The following CACNA2D3 variants were observed in gnomAD, a reference collection of about 807,000 sequenced individuals.
CACNA2D3 encodes the protein calcium voltage-gated channel auxiliary subunit alpha2delta 3, also known as voltage-dependent calcium channel subunit alpha-2/delta-3.
CACNA2D3 carries 60 observed loss-of-function variants against 160.6 expected under a neutral mutation model. That is an observed-to-expected ratio of 0.37 (90% CI 0.30 to 0.46). CACNA2D3 has a LOEUF of 0.46. Ranked by LOEUF, CACNA2D3 falls within the 20% of genes least tolerant of loss-of-function variation. The pLI is 1.00. For synonymous variants in CACNA2D3, 558 were observed against 492.9 expected, an observed-to-expected ratio of 1.13 and a Z score of -1.75; for missense variants, 1,205 against 1,365.0, an observed-to-expected ratio of 0.88 and a Z score of 1.85.
intron 11 of CACNA2D3, among the ~76,000 whole-genome samples, chr3:54,734,207 G>A (rs11718583): frequency 0.83 from 126,551 of 152,080 alleles, 53,804 homozygotes; most frequent in Non-Finnish European, 0.92. Context: ...TTTGCCATAG[G>A]CTGATACCTA....
chr3:54,863,461 G>C (rs1252051836), intron 17 of CACNA2D3, among the ~76,000 whole-genome samples: 1 of 152,094 alleles, frequency 6.6e-6, no homozygotes. Context: ...GGCACGAAAG[G>C]TTCCTCCCAG....
chr3:55,030,232 C>G (rs949012141), intron 35 of CACNA2D3, among the ~76,000 whole-genome samples: 1 of 152,144 alleles, frequency 6.6e-6, no homozygotes, highest in South Asian at 2.1e-4. Context: ...CCCTGTATTG[C>G]CTCCTCTTCT....
intron 3 of CACNA2D3, among the ~76,000 whole-genome samples, chr3:54,355,581 G>A (rs1222762784): frequency 1.3e-5 from 2 of 152,036 alleles, no homozygotes; most frequent in East Asian, 1.9e-4. Flanking sequence ...GGGAAGGAGA[G>A]AAACAAATGA....
intron 9 of CACNA2D3, among the ~76,000 whole-genome samples, chr3:54,617,611 T>C (rs1210555267): frequency 1.3e-5 from 2 of 152,234 alleles, no homozygotes; most frequent in Non-Finnish European, 2.9e-5. Context: ...CACTCAATTT[T>C]AAATATCAGA....
intron 13 of CACNA2D3, among the ~76,000 whole-genome samples, chr3:54,781,238 G>A (rs1435614725): frequency 1.3e-5 from 2 of 152,224 alleles, no homozygotes; most frequent in Admixed American, 1.3e-4. Flanking sequence ...CATTCACAGA[G>A]GCCCTTTGCT....
At chr3:54,441,369 G>A (rs1258744398) in intron 4 of CACNA2D3, among the ~76,000 whole-genome samples, 1 of 152,110 alleles carries the variant, frequency 6.6e-6, no homozygotes, top group Non-Finnish European at 1.5e-5. Flanking sequence ...GGAGTTCATT[G>A]TAGATTCTGG....
intron 35 of CACNA2D3, among the ~76,000 whole-genome samples, chr3:55,060,060 C>T (rs1038964274): frequency 1.3e-5 from 2 of 152,004 alleles, no homozygotes; most frequent in African/African-American, 2.4e-5. Context: ...CCATTTAGAG[C>T]CACCAGTTTC....
chr3:54,752,815 G>C, intron 12 of CACNA2D3, 138 bp downstream of exon 12: 1 of 506,700 alleles, frequency 2.0e-6, no homozygotes, highest in Non-Finnish European at 3.6e-6. Flanking sequence ...TGATAGACTT[G>C]TAACGGTTTC....
chr3:54,648,395 G>T (rs1390922887), intron 11 of CACNA2D3, among the ~76,000 whole-genome samples: 1 of 152,194 alleles, frequency 6.6e-6, no homozygotes, highest in African/African-American at 2.4e-5. Context: ...ACAAAGACCA[G>T]ATGGCCCGTG....
intron 6 of CACNA2D3, among the ~76,000 whole-genome samples, chr3:54,563,455 C>T (rs918909495): frequency 6.6e-6 from 1 of 152,206 alleles, no homozygotes; most frequent in African/African-American, 2.4e-5. Context: ...ACAGAGGGTG[C>T]TCCCAGCACC....
At chr3:54,990,950 T>A (rs1702725262) in intron 31 of CACNA2D3, among the ~76,000 whole-genome samples, 3 of 152,198 alleles carry the variant, frequency 2.0e-5, no homozygotes, top group Admixed American at 2.0e-4. Context: ...GGCACTTTAG[T>A]TGACTCTTTG....
intron 2 of CACNA2D3, among the ~76,000 whole-genome samples, chr3:54,239,145 G>A (rs1430612728): frequency 6.6e-6 from 1 of 152,196 alleles, no homozygotes; most frequent in Non-Finnish European, 1.5e-5. Flanking sequence ...TAATTATTGA[G>A]TCAACTAAGT....
intron 8 of CACNA2D3, among the ~76,000 whole-genome samples, chr3:54,578,288 A>T (rs1187279146): frequency 6.6e-6 from 1 of 152,196 alleles, no homozygotes. Context: ...GATCAAGGAG[A>T]GCCATTTATA....
chr3:54,722,548 T>A (rs940609039), intron 11 of CACNA2D3, among the ~76,000 whole-genome samples: 3 of 152,222 alleles, frequency 2.0e-5, no homozygotes, highest in Non-Finnish European at 4.4e-5. Context: ...TTTGTGGAGT[T>A]ATCTACCTTT....
chr3:54,925,122 A>G lies in CACNA2D3; in HGVS notation c.2449+25254A>G, dbSNP rs745754884. 5 of 1,614,036 alleles carry G rather than the reference A, an allele frequency of 3.1e-6. No homozygotes were observed. The African/African-American group carries it at 5.3e-5, about 17-fold the overall frequency. Reference sequence around the variant, plus strand: ...GGCCAGACCCTGCTGGCTGCAGTCTACAAAATTTGTAGATGACTGACAGTA... The same window carrying G: ...GGCCAGACCCTGCTGGCTGCAGTCTGCAAAATTTGTAGATGACTGACAGTA... On this transcript the variant is annotated intron_variant, in intron 27 of 37. Transcript: ENST00000474759.
intron 27 of CACNA2D3, among the ~76,000 whole-genome samples, chr3:54,963,009 A>G (rs1255122253): frequency 6.6e-6 from 1 of 152,220 alleles, no homozygotes; most frequent in East Asian, 1.9e-4. Context: ...ACTTGAATGC[A>G]TGTCTATTAA....
chr3:54,341,384 C>A (rs1182446803), intron 3 of CACNA2D3, among the ~76,000 whole-genome samples: 1 of 152,162 alleles, frequency 6.6e-6, no homozygotes, highest in Non-Finnish European at 1.5e-5. Flanking sequence ...CCATCACCTC[C>A]CAGCTAGGTA....
At chr3:54,294,782 G>A (rs1424009331) in intron 2 of CACNA2D3, among the ~76,000 whole-genome samples, 1 of 152,194 alleles carries the variant, frequency 6.6e-6, no homozygotes, top group African/African-American at 2.4e-5. Context: ...TGCCTGGACT[G>A]CAGAGGAAGG....
chr3:55,009,584 C>T, intron 34 of CACNA2D3, 141 bp downstream of exon 34: 1 of 768,022 alleles, frequency 1.3e-6, no homozygotes, highest in Middle Eastern at 3.2e-4. Flanking sequence ...AGCAAAAAGC[C>T]AGCCTTTGTG....
Sources: allele counts gnomAD v4.1 joint callset (sites outside exome capture counted in the v4.1 genomes callset), GRCh38; gene constraint gnomAD v4.1.1; transcripts MANE v1.5; gene names NCBI Gene and HGNC (gene_info 2026-07-23, HGNC 2026-07-21).